Variants in GLIPR1L1 observed in about 807,000 individuals in gnomAD.
GLIPR1L1 encodes GLIPR1-like protein 1.
Under a neutral mutation model 29.9 loss-of-function variants are expected in GLIPR1L1, and 26 were observed. The ratio of observed to expected loss-of-function variants is 0.87; its 90% CI spans 0.64 to 1.21. The LOEUF (loss-of-function observed/expected upper bound fraction) is 1.21, where lower values mean the gene tolerates loss of function less well. Ranked by LOEUF, GLIPR1L1 falls within the 50% of genes most tolerant of loss-of-function variation. GLIPR1L1 has a pLI of 0.00. For missense variants in GLIPR1L1, 305 were observed against 290.3 expected (o/e 1.05, Z -0.37); for synonymous variants, 77 against 97.5 (o/e 0.79, Z 1.24).
intron 3 of GLIPR1L1, among the ~76,000 whole-genome samples, chr12:75,351,295 A>C (rs748145847): frequency 3.6e-4 from 55 of 152,234 alleles, no homozygotes; most frequent in Non-Finnish European, 2.4e-4. Flanking sequence ...TCCTCAACCT[A>C]GCAAGAAAGG....
intron 1 of GLIPR1L1, among the ~76,000 whole-genome samples, chr12:75,335,114 GC>G (rs1273350641): frequency 6.6e-6 from 1 of 152,172 alleles, no homozygotes; most frequent in East Asian, 1.9e-4. Flanking sequence ...CTTGCCTCTT[GC>G]GGGGAAGGTG....
intron 3 of GLIPR1L1, among the ~76,000 whole-genome samples, chr12:75,350,144 A>C (rs2042710567): frequency 6.6e-6 from 1 of 152,200 alleles, no homozygotes. Context: ...CTGCTTCTTT[A>C]AGCGAGACCC....
rs145998837 is a variant in GLIPR1L1 at position 75,361,425 on chromosome 12, G to T, written c.522-1677G>T. On this transcript the variant is annotated intron_variant, in intron 3 of 5. Transcript: ENST00000378695. Reference sequence around the variant, plus strand: ...TAAACTGTCTTTGGCTTGAAGGTGGGGTTTCACCAGGAACCCAACCCTATC... The same window carrying T: ...TAAACTGTCTTTGGCTTGAAGGTGGTGTTTCACCAGGAACCCAACCCTATC... Among the ~76,000 whole-genome samples, 74 of 152,238 alleles carry T rather than the reference G, an allele frequency of 4.9e-4. 1 individual carries two copies. In the East Asian group the frequency reaches 0.012, roughly 25 times the overall value.
intron 1 of GLIPR1L1, among the ~76,000 whole-genome samples, chr12:75,341,745 CTCTT>C (rs2042129780): frequency 7.1e-6 from 1 of 141,080 alleles, no homozygotes; most frequent in African/African-American, 2.7e-5. Flanking sequence ...CGCGCCCGGC[CTCTT>C]TTTTTTTTTT....
In GLIPR1L1 at chr12:75,359,357, C is replaced by CTTTTTT. The variant is rs61616225; in HGVS notation, c.522-3720_522-3715dup. ...GAGTTAGAAGACTCAGCATTGTTGT[C>CTTTTTT]TTTTTTTTTTTTTTTTTTTTTTTTT... is the stretch of plus-strand genomic sequence containing the variant. On this transcript the variant is annotated intron_variant, in intron 3 of 5. Coordinates refer to ENST00000378695, the MANE Select transcript of GLIPR1L1 (RefSeq NM_001304964.2). 3.7e-3 allele frequency among the ~76,000 whole-genome samples: 107 copies of CTTTTTT among 28,594 alleles called. 11 individuals are homozygous for CTTTTTT. Among genetic ancestry groups the CTTTTTT allele is most frequent in the Admixed American group, 4.4e-3 (9 of 2,068 alleles). 18.8% of individuals were successfully genotyped at this position (28,594 alleles called of 152,430 possible). A position where few individuals can be genotyped will look rare whatever the true frequency, so the allele number is the denominator to read the frequency against.
intron 1 of GLIPR1L1, among the ~76,000 whole-genome samples, chr12:75,339,856 T>C (rs1425396644): frequency 6.6e-6 from 1 of 152,078 alleles, no homozygotes. Context: ...ATTTCTGAGA[T>C]TTTGGTGCAC....
At chr12:75,366,384 T>C (rs750024677) in intron 4 of GLIPR1L1, among the ~76,000 whole-genome samples, 1 of 151,970 alleles carries the variant, frequency 6.6e-6, no homozygotes, top group Non-Finnish European at 1.5e-5. Context: ...GAAAAGAAAA[T>C]AGAGAAGTAG....
chr12:75,355,122 G>A (rs1466239528), intron 3 of GLIPR1L1, among the ~76,000 whole-genome samples: 1 of 152,046 alleles, frequency 6.6e-6, no homozygotes, highest in Non-Finnish European at 1.5e-5. Flanking sequence ...AAGCAAAAAT[G>A]GATAAATGGG....
At position 75,343,844 on chromosome 12, in the gene GLIPR1L1, C is replaced by A. The variant is rs770923919; in HGVS notation, c.326C>A (p.Thr109Lys). The A allele has an allele frequency of 2.5e-6, 4 of 1,612,864 alleles. No homozygotes were observed. The South Asian group carries it at 4.4e-5, about 18-fold the overall frequency. The change falls in exon 2 of 6, where the codon ACA becomes AAA. Residue 109 changes from threonine (T) to lysine (K), a missense_variant. Physicochemically the swap from Thr to Lys is moderately conservative, Grantham distance 78. Coordinates refer to ENST00000378695, the MANE Select transcript of GLIPR1L1 (RefSeq NM_001304964.2). ...NIWLGGIKSF[T>K]PRHAITAWYN... ...TGGTTAGGTGGAATAAAGTCATTCA[C>A]ACCAAGACATGCCATTACGGCTTGG...
chr12:75,339,577 C>A (rs527440449), intron 1 of GLIPR1L1, among the ~76,000 whole-genome samples: 1 of 152,136 alleles, frequency 6.6e-6, no homozygotes, highest in African/African-American at 2.4e-5. Flanking sequence ...TTTTGCCGTA[C>A]AGAAGCTCTT....
chr12:75,369,761 T>G (rs1482832700), intron 4 of GLIPR1L1, 199 bp from the exon 5 acceptor site: 17 of 984,794 alleles, frequency 1.7e-5, no homozygotes, highest in Non-Finnish European at 2.0e-5. Context: ...GAAATATTTG[T>G]TGACATAACA....
intron 2 of GLIPR1L1, 55 bp from the exon 3 acceptor site, chr12:75,347,567 T>A (rs1426525976): frequency 7.4e-6 from 8 of 1,078,640 alleles, no homozygotes; most frequent in Non-Finnish European, 1.1e-5. Context: ...TCTAAATGCA[T>A]TGTTTGCATA....
chr12:75,360,951 T>C (rs2043543554), intron 3 of GLIPR1L1: 1 of 152,188 alleles, frequency 6.6e-6, no homozygotes, highest in Non-Finnish European at 1.5e-5. Flanking sequence ...TTGCAGTCTT[T>C]CTTCCCCTTA....
chr12:75,358,894 ATATAAT>A, intron 3 of GLIPR1L1, among the ~76,000 whole-genome samples: 1 of 143,872 alleles, frequency 7.0e-6, no homozygotes, highest in East Asian at 2.0e-4. Context: ...TATATATTAC[ATATAAT>A]TATATATTAT....
chr12:75,338,052 A>G (rs1215133584), intron 1 of GLIPR1L1, among the ~76,000 whole-genome samples: 1 of 152,142 alleles, frequency 6.6e-6, no homozygotes, highest in African/African-American at 2.4e-5. Context: ...GAGAAAAGCA[A>G]CACCAATCTT....
intron 3 of GLIPR1L1, among the ~76,000 whole-genome samples, chr12:75,351,060 A>G (rs2042775857): frequency 6.6e-6 from 1 of 152,234 alleles, no homozygotes; most frequent in Admixed American, 6.5e-5. Context: ...AATCACAAGT[A>G]TCAATATCCA....
In GLIPR1L1 at chr12:75,358,119, T is replaced by G. The variant is rs139111529; in HGVS notation, c.522-4983T>G. On this transcript the variant is annotated intron_variant, in intron 3 of 5. Transcript: ENST00000378695. Reference sequence around the variant, plus strand: ...GCAAACCATACTGATCAAAAAAAGATAAAAATAATATGAGAACATAGGTGA... The same window carrying G: ...GCAAACCATACTGATCAAAAAAAGAGAAAAATAATATGAGAACATAGGTGA... Among the ~76,000 whole-genome samples, 396 of 151,528 alleles carry G rather than the reference T, an allele frequency of 2.6e-3. 1 individual carries two copies. Among genetic ancestry groups the G allele is most frequent in the Non-Finnish European group, 4.4e-3 (301 of 67,732 alleles).
chr12:75,350,674 CA>C (rs2042746363), intron 3 of GLIPR1L1, among the ~76,000 whole-genome samples: 1 of 152,108 alleles, frequency 6.6e-6, no homozygotes, highest in African/African-American at 2.4e-5. Flanking sequence ...AAAAAGACCA[CA>C]AAAACCCCAT....
rs571904981 is a variant in GLIPR1L1 at position 75,347,723 on chromosome 12, G to A, written c.521+1G>A. Reference sequence around the variant, plus strand: ...TATTTGTATGCAACTACGGACCTGCGTGAGTTATTTTCTCTTAAAAATATT... The same window carrying A: ...TATTTGTATGCAACTACGGACCTGCATGAGTTATTTTCTCTTAAAAATATT... On this transcript the variant is annotated splice_donor_variant, in intron 3 of 5. Coordinates refer to ENST00000378695, the MANE Select transcript of GLIPR1L1 (RefSeq NM_001304964.2). LOFTEE classifies it high-confidence loss of function. The A allele has an allele frequency of 9.0e-5, 141 of 1,574,064 alleles. 2 individuals carry two copies. The East Asian group carries it at 2.2e-3, about 25-fold the overall frequency.
Sources: allele counts gnomAD v4.1 joint callset (sites outside exome capture counted in the v4.1 genomes callset), GRCh38; gene constraint gnomAD v4.1.1; transcripts MANE v1.5; gene names NCBI Gene and HGNC (gene_info 2026-07-23, HGNC 2026-07-21).